Variants in DARS1 observed in about 807,000 individuals in gnomAD.
DARS1 encodes aspartate--tRNA ligase, cytoplasmic.
Under a neutral mutation model 68.8 loss-of-function variants are expected in DARS1, and 51 were observed. The observed-to-expected ratio is 0.74, with a 90% CI of 0.59 to 0.94. The LOEUF (loss-of-function observed/expected upper bound fraction) is 0.94, where lower values mean the gene tolerates loss of function less well. Ranked by LOEUF, DARS1 falls within the 40% of genes least tolerant of loss-of-function variation. DARS1 has a pLI of 0.00. For synonymous variants in DARS1, 203 were observed against 190.4 expected, an observed-to-expected ratio of 1.07 and a Z score of -0.55; for missense variants, 607 against 597.3, an observed-to-expected ratio of 1.02 and a Z score of -0.17.
At chr2:135,963,893 C>A (rs1233580279) in intron 3 of DARS1, among the ~76,000 whole-genome samples, 1 of 152,030 alleles carries the variant, frequency 6.6e-6, no homozygotes, top group African/African-American at 2.4e-5. Flanking sequence ...ATTGGTCAGG[C>A]TGGTCTCGAA....
rs145332856 is a variant in DARS1, at chr2:135,955,890, C to T, written c.320+5506G>A. Among the ~76,000 whole-genome samples, 6 of 151,952 alleles carry T rather than the reference C, an allele frequency of 3.9e-5. No homozygotes were observed. In the East Asian group the frequency reaches 1.2e-3, roughly 29 times the overall value. On this transcript the variant is annotated intron_variant, in intron 4 of 15. Transcript: ENST00000264161. ...CCCAGGCTGGTTTTGAACTTCTGGGCTCAAGTGATCTGCCTGCTTTGGCTT... is the reference window on the plus strand; with the variant it reads ...CCCAGGCTGGTTTTGAACTTCTGGGTTCAAGTGATCTGCCTGCTTTGGCTT...
At chr2:135,932,723 T>C in intron 7 of DARS1, 60 bp downstream of exon 7, 1 of 822,752 alleles carries the variant, frequency 1.2e-6, no homozygotes, top group Non-Finnish European at 2.1e-6. Flanking sequence ...ACAGGTATGG[T>C]ATCCCTGCCC....
chr2:135,936,353 C>T lies in DARS1; in HGVS notation c.424-2363G>A, dbSNP rs1225103653. ...TAAGAATATCTTAAAACTACATTTG[C>T]TTCTAGTAAAAAAACAGAAATATAT... On this transcript the variant is annotated intron_variant, in intron 5 of 15. Coordinates refer to ENST00000264161, the MANE Select transcript of DARS1 (RefSeq NM_001349.4). 2.6e-5 allele frequency among the ~76,000 whole-genome samples: 4 copies of T among 152,114 alleles called. No individual in the cohort carries two copies. In the East Asian group the frequency reaches 7.7e-4, roughly 29 times the overall value.
At position 135,911,534 on chromosome 2, in the gene DARS1, C is replaced by G. The variant is rs774126449; in HGVS notation, c.1231-41G>C. On this transcript the variant is annotated intron_variant, in intron 13 of 15. Coordinates refer to ENST00000264161, the MANE Select transcript of DARS1 (RefSeq NM_001349.4). ...CACCAGTCCTCAAGTGACTACCATCCTATTTCTATTACATATATACGGAAA... is the reference window on the plus strand; with the variant it reads ...CACCAGTCCTCAAGTGACTACCATCGTATTTCTATTACATATATACGGAAA... 5.0e-6 allele frequency: 4 copies of G among 804,280 alleles called. No individual in the cohort carries two copies. In the Admixed American group the frequency reaches 6.2e-5, roughly 13 times the overall value. The allele number at this position is 804,280 out of a possible 1,614,324, so 49.8% of individuals were successfully genotyped here.
chr2:135,979,001 C>T (rs1190929898), intron 3 of DARS1: 1 of 285,034 alleles, frequency 3.5e-6, no homozygotes. Flanking sequence ...ACTCCTTCTC[C>T]AGCTGAAAAT....
At chr2:135,964,859 A>G (rs2104836990) in intron 3 of DARS1, among the ~76,000 whole-genome samples, 1 of 151,400 alleles carries the variant, frequency 6.6e-6, no homozygotes, top group East Asian at 1.9e-4. Context: ...AAAAAAAAAA[A>G]AAAAGAAGTG....
At chr2:135,929,381 G>A (rs563026230) in intron 7 of DARS1, among the ~76,000 whole-genome samples, 2 of 152,184 alleles carry the variant, frequency 1.3e-5, no homozygotes, top group African/African-American at 2.4e-5. Context: ...TATCATTTCT[G>A]TCATACTGGG....
intron 5 of DARS1, among the ~76,000 whole-genome samples, chr2:135,938,316 T>C (rs1681515774): frequency 2.0e-5 from 3 of 152,232 alleles, no homozygotes; most frequent in African/African-American, 7.2e-5. Context: ...ACGTAGTTCC[T>C]GTGCCATGGT....
chr2:135,930,949 CAA>C (rs1027857793), intron 7 of DARS1, among the ~76,000 whole-genome samples: 9 of 152,222 alleles, frequency 5.9e-5, no homozygotes, highest in African/African-American at 1.7e-4. Flanking sequence ...AAAAGGGTGC[CAA>C]AGACATTTTA....
chr2:135,948,136 T>C (rs1037321936), intron 4 of DARS1, among the ~76,000 whole-genome samples: 5 of 152,262 alleles, frequency 3.3e-5, no homozygotes, highest in Non-Finnish European at 4.4e-5. Flanking sequence ...ATACAGATGT[T>C]GCAGTGGACA....
rs931707298 is a variant in DARS1 at position 135,944,595 on chromosome 2, C to G, written c.321-1115G>C. Among the ~76,000 whole-genome samples, 5 of 152,156 alleles carry G rather than the reference C, an allele frequency of 3.3e-5. No individual in the cohort carries two copies. The East Asian group carries it at 9.6e-4, about 29-fold the overall frequency. On this transcript the variant is annotated intron_variant, in intron 4 of 15. Transcript: ENST00000264161. ...TAACTTAAAAAAAAAAAATCAACAGCATGCATATCTCTTGTACTCTCGTAA... is the reference window on the plus strand; with the variant it reads ...TAACTTAAAAAAAAAAAATCAACAGGATGCATATCTCTTGTACTCTCGTAA...
At position 135,926,546 on chromosome 2, in the gene DARS1, T is replaced by C. The variant is rs1681215246; in HGVS notation, c.565-2048A>G. Among the ~76,000 whole-genome samples the C allele has an allele frequency of 2.0e-5, 3 of 152,206 alleles. No homozygotes were observed. The South Asian group carries it at 6.2e-4, about 31-fold the overall frequency. ...TTTCTAGAAGATTCTAGCTTTTAAA[T>C]GGTTTAATTTGAAAACCACCAATCA... On this transcript the variant is annotated intron_variant, in intron 7 of 15. Transcript: ENST00000264161.
rs150772058 is a variant in DARS1 at position 135,922,904 on chromosome 2, C to T, written c.691G>A (p.Gly231Arg). 1.6e-5 allele frequency: 24 copies of T among 1,547,236 alleles called. No individual in the cohort carries two copies. The highest frequency in any genetic ancestry group is 1.7e-6 in the Non-Finnish European group (2 of 1,150,024). ...PKIISAASEG[G>R]ANVFTVSYFK... ...TATGACACAGTAAAAACATTGGCTCCTCCTTCACTGGCAGCTGAAAGGTAA... is the reference window on the plus strand; with the variant it reads ...TATGACACAGTAAAAACATTGGCTCTTCCTTCACTGGCAGCTGAAAGGTAA... Residue 231 changes from glycine (G) to arginine (R), a missense_variant, in exon 9 of 16, where the codon GGA becomes AGA. By Grantham distance (125) the Gly-to-Arg change is moderately radical (BLOSUM62 -2). Transcript: ENST00000264161.
chr2:135,916,275 C>G lies in DARS1; in HGVS notation c.1057G>C (p.Ala353Pro), dbSNP rs371073609. 29 of 1,573,866 alleles carry G rather than the reference C, an allele frequency of 1.8e-5. No individual in the cohort carries two copies. Among genetic ancestry groups the G allele is most frequent in the African/African-American group, 2.7e-5 (2 of 74,150 alleles). ...TLRLEYCEAL[A>P]MLREAGVEMG... ...TCGACTCCAGCTTCCCTAAGCATAG[C>G]CAATGCTTCACAATATTCTAGTCTT... is the stretch of plus-strand genomic sequence containing the variant. The change falls in exon 11 of 16, where the codon GCT becomes CCT. Residue 353 changes from alanine to proline, a missense_variant. Ala to Pro is a conservative substitution (Grantham distance 27, BLOSUM62 -1). Coordinates refer to ENST00000264161, the MANE Select transcript of DARS1 (RefSeq NM_001349.4).
chr2:135,934,087 G>A, intron 5 of DARS1, 97 bp from the exon 6 acceptor site: 2 of 1,486,130 alleles, frequency 1.3e-6, no homozygotes, highest in Non-Finnish European at 1.8e-6. Flanking sequence ...ATGAAGCAAT[G>A]TTTGCATACA....
intron 7 of DARS1, among the ~76,000 whole-genome samples, chr2:135,926,421 T>G (rs1681212464): frequency 6.6e-6 from 1 of 152,164 alleles, no homozygotes; most frequent in Non-Finnish European, 1.5e-5. Flanking sequence ...CACTTGCTAA[T>G]AGGAAGACGG....
At chr2:135,923,440 C>T (rs181209629) in intron 8 of DARS1, among the ~76,000 whole-genome samples, 25 of 152,174 alleles carry the variant, frequency 1.6e-4, no homozygotes, top group African/African-American at 5.3e-4. Context: ...CAGGCGTCAA[C>T]CACCGCGCCC....
intron 3 of DARS1, among the ~76,000 whole-genome samples, chr2:135,976,014 A>C (rs114414669): frequency 3.5e-4 from 53 of 152,316 alleles, no homozygotes; most frequent in Non-Finnish European, 6.6e-4. Context: ...TCCACTTTAT[A>C]CCTGATTTAA....
intron 4 of DARS1, among the ~76,000 whole-genome samples, chr2:135,948,090 T>C (rs549753855): frequency 6.6e-6 from 1 of 152,370 alleles, no homozygotes; most frequent in Non-Finnish European, 1.5e-5. Context: ...ACCCGTTTTT[T>C]TTCTTAGCAC....
Sources: allele counts gnomAD v4.1 joint callset (sites outside exome capture counted in the v4.1 genomes callset), GRCh38; gene constraint gnomAD v4.1.1; transcripts MANE v1.5; gene names NCBI Gene and HGNC (gene_info 2026-07-23, HGNC 2026-07-21).